NR1D2: variants seen among roughly 807,000 people sequenced by gnomAD.
NR1D2 encodes the protein nuclear receptor subfamily 1 group D member 2.
In NR1D2, 25 loss-of-function variants were observed where a neutral mutation model predicts 52.2. That is an observed-to-expected ratio of 0.48 (90% CI 0.35 to 0.67). The LOEUF (loss-of-function observed/expected upper bound fraction) is 0.67, where lower values mean the gene tolerates loss of function less well. NR1D2 is among the 30% of genes least tolerant of loss of function. The pLI, the probability that NR1D2 is intolerant of heterozygous loss-of-function variation, is 0.01. For missense variants in NR1D2, 681 were observed against 707.2 expected (o/e 0.96, Z 0.42); for synonymous variants, 259 against 230.1 (o/e 1.13, Z -1.14).
At chr3:23,960,291 G>C (rs947745638) in intron 4 of NR1D2, among the ~76,000 whole-genome samples, 2 of 151,824 alleles carry the variant, frequency 1.3e-5, no homozygotes, top group African/African-American at 4.8e-5. Context: ...TGTAATCCCA[G>C]TTACTCGGGA....
rs1236711509 is a variant in NR1D2 at position 23,967,985 on chromosome 3, A to T, written c.1505A>T (p.Glu502Val). Reference protein sequence around the residue: ...KLNALQLSDEEMSLFTAVVLV... With the variant: ...KLNALQLSDEVMSLFTAVVLV... The stretch of plus-strand genomic sequence containing the variant: ...AATGCCCTCCAACTTAGTGATGAAG[A>T]GATGAGTTTGTTTACAGCTGTTGTC... The change falls in exon 7 of 8, where the codon GAG becomes GTG. Residue 502 changes from glutamate (E) to valine (V), a missense_variant. By Grantham distance (121) the Glu-to-Val change is moderately radical (BLOSUM62 -2). Transcript: ENST00000312521. The T allele has an allele frequency of 3.1e-6, 5 of 1,614,052 alleles. No individual in the cohort carries two copies. The highest frequency in any genetic ancestry group is 4.2e-6 in the Non-Finnish European group (5 of 1,180,022).
At chr3:23,964,076 T>C (rs977118402) in intron 5 of NR1D2, among the ~76,000 whole-genome samples, 1 of 151,794 alleles carries the variant, frequency 6.6e-6, no homozygotes, top group African/African-American at 2.4e-5. Context: ...GCAGTGACTT[T>C]TTTTTCTTTT....
intron 1 of NR1D2, among the ~76,000 whole-genome samples, chr3:23,952,351 T>A (rs1705955815): frequency 6.6e-6 from 1 of 152,090 alleles, no homozygotes; most frequent in Admixed American, 6.6e-5. Flanking sequence ...GTGGATGGAA[T>A]TGTCTACGTT....
intron 7 of NR1D2, among the ~76,000 whole-genome samples, chr3:23,971,821 A>G (rs1706597781): frequency 6.6e-6 from 1 of 152,150 alleles, no homozygotes; most frequent in South Asian, 2.1e-4. Context: ...CAATTAAAAC[A>G]TTTATATCTT....
At chr3:23,971,146 G>A (rs539377119) in intron 7 of NR1D2, among the ~76,000 whole-genome samples, 2 of 151,982 alleles carry the variant, frequency 1.3e-5, no homozygotes, top group Admixed American at 6.6e-5. Context: ...AAATTCAAAC[G>A]CTACAGAAGA....
intron 5 of NR1D2, among the ~76,000 whole-genome samples, chr3:23,963,911 T>A (rs73036797): frequency 2.8e-4 from 27 of 95,250 alleles, no homozygotes; most frequent in Admixed American, 2.7e-3. Flanking sequence ...TTTCATCATC[T>A]TTTTGGTGTT....
At chr3:23,952,658 G>A (rs1490463405) in intron 1 of NR1D2, among the ~76,000 whole-genome samples, 1 of 151,744 alleles carries the variant, frequency 6.6e-6, no homozygotes, top group Non-Finnish European at 1.5e-5. Context: ...CCCGGGAGGC[G>A]GAGGTTGCAG....
In NR1D2 at chr3:23,962,439, T is replaced by C; in HGVS notation, c.980T>C (p.Ile327Thr). The C allele has an allele frequency of 6.2e-7, 1 of 1,614,176 alleles. No homozygotes were observed. Among genetic ancestry groups the C allele is most frequent in the Non-Finnish European group, 8.5e-7 (1 of 1,180,008 alleles). Residue 327 changes from isoleucine to threonine, a missense_variant, in exon 5 of 8, where the codon ATA (isoleucine) becomes ACA (threonine). By Grantham distance (89) the Ile-to-Thr change is moderately conservative. Around this residue, in one of 3 missense-constraint regions of NR1D2, gnomAD observed 475 missense variants for 454.5 expected, o/e 1.05. Coordinates refer to ENST00000312521, the MANE Select transcript of NR1D2 (RefSeq NM_005126.5). Reference sequence around the variant, plus strand: ...AATGGACAGTTCAAAGGGAGGAATATAATGCATTACCCAAATGGTCATGCC... The same window carrying C: ...AATGGACAGTTCAAAGGGAGGAATACAATGCATTACCCAAATGGTCATGCC... ...HLNGQFKGRN[I>T]MHYPNGHAIC...
chr3:23,958,372 T>C (rs1559332644), intron 3 of NR1D2, among the ~76,000 whole-genome samples: 1 of 152,176 alleles, frequency 6.6e-6, no homozygotes. Context: ...TTAGGCTGGG[T>C]GCAGTGGCTC....
chr3:23,967,277 C>A (rs1436730037), intron 6 of NR1D2, among the ~76,000 whole-genome samples: 2 of 151,630 alleles, frequency 1.3e-5, no homozygotes, highest in East Asian at 3.9e-4. Flanking sequence ...GAGCTGAGAT[C>A]GTGCCACTGC....
intron 5 of NR1D2, among the ~76,000 whole-genome samples, chr3:23,964,235 G>A (rs1308638301): frequency 2.6e-5 from 4 of 151,966 alleles, no homozygotes; most frequent in Non-Finnish European, 5.9e-5. Flanking sequence ...AAGCCACCAC[G>A]TCTGGCTAAT....
chr3:23,953,053 G>T (rs1292908352), intron 1 of NR1D2, among the ~76,000 whole-genome samples: 1 of 151,344 alleles, frequency 6.6e-6, no homozygotes, highest in East Asian at 1.9e-4. Context: ...AAAAATGATT[G>T]ATAGGCCCGG....
intron 5 of NR1D2, chr3:23,963,461 T>C: frequency 8.7e-7 from 1 of 1,146,112 alleles, no homozygotes; most frequent in Non-Finnish European, 1.1e-6. Flanking sequence ...CTTTTTTGTT[T>C]TTTTTTTTGA....
chr3:23,963,204 T>TA, intron 5 of NR1D2: 2 of 1,185,080 alleles, frequency 1.7e-6, no homozygotes. Context: ...TTCCATCAAA[T>TA]ACGACATTCT....
chr3:23,974,252 A>G (rs1419334155), intron 7 of NR1D2, among the ~76,000 whole-genome samples: 1 of 152,080 alleles, frequency 6.6e-6, no homozygotes, highest in Non-Finnish European at 1.5e-5. Flanking sequence ...GATAAAAAGT[A>G]TAGTATAGTA....
At position 23,975,232 on chromosome 3, in the gene NR1D2, C is replaced by T. The variant is rs189865194; in HGVS notation, c.1544-1991C>T. Among the ~76,000 whole-genome samples, 805 of 152,206 alleles carry T rather than the reference C, an allele frequency of 5.3e-3. 3 individuals carry two copies. The highest frequency in any genetic ancestry group is 8.6e-3 in the Non-Finnish European group (582 of 67,998). ...ACCTGGGTTTAAGTGATCCTCCCAC[C>T]TTAGCCACCCAAGTAGCTGGGACTA... On this transcript the variant is annotated intron_variant, in intron 7 of 7. Transcript: ENST00000312521.
intron 7 of NR1D2, among the ~76,000 whole-genome samples, chr3:23,973,771 A>C (rs556920834): frequency 6.6e-6 from 1 of 152,320 alleles, no homozygotes; most frequent in African/African-American, 2.4e-5. Context: ...TTAAAACAAC[A>C]CATTGTACAG....
At chr3:23,955,802 G>T (rs1035050239) in intron 2 of NR1D2, among the ~76,000 whole-genome samples, 1 of 151,550 alleles carries the variant, frequency 6.6e-6, no homozygotes, top group Non-Finnish European at 1.5e-5. Context: ...CAGCCTGGGC[G>T]ACAGAGGGAG....
Position 23,962,062 on chromosome 3 carries a change from C to T in NR1D2, c.603C>T (p.Ser201=), listed in dbSNP as rs969115631. 1 of 1,614,102 alleles carries T rather than the reference C, an allele frequency of 6.2e-7. No individual in the cohort carries two copies. Among genetic ancestry groups the T allele is most frequent in the South Asian group, 1.1e-5 (1 of 91,076 alleles). ...GTGCAATGAAGACCATGATGAACAGCCAGTTCAGTGGTCACTTGCAAAATG... is the reference window on the plus strand; with the variant it reads ...GTGCAATGAAGACCATGATGAACAGTCAGTTCAGTGGTCACTTGCAAAATG... ...MQSAMKTMMN[S]QFSGHLQNDT... is the part of the protein sequence containing the mutation. Residue 201 remains serine, a synonymous_variant, in exon 5 of 8, where the codon AGC becomes AGT. Transcript: ENST00000312521.
Sources: gnomAD v4.1 joint callset for allele counts (sites outside exome capture counted in the v4.1 genomes callset) on GRCh38, gnomAD v4.1.1 for gene constraint, gnomAD v4.1.1 regional missense constraint, MANE v1.5 for transcripts, NCBI Gene and HGNC (gene_info 2026-07-23, HGNC 2026-07-21) for gene names.